PDE4D: variants seen among roughly 807,000 people sequenced by gnomAD.
PDE4D encodes the protein phosphodiesterase 4D.
PDE4D carries 24 observed loss-of-function variants against 87.4 expected under a neutral mutation model. That is an observed-to-expected ratio of 0.27 (90% CI 0.20 to 0.39). The LOEUF is 0.39. Ranked by LOEUF, PDE4D falls within the 10% of genes least tolerant of loss-of-function variation. The pLI is 1.00. For synonymous variants in PDE4D, 384 were observed against 383.2 expected, an observed-to-expected ratio of 1.00 and a Z score of -0.02; for missense variants, 714 against 1,041.0, an observed-to-expected ratio of 0.69 and a Z score of 4.32.
intron 1 of PDE4D, among the ~76,000 whole-genome samples, chr5:60,227,045 A>G (rs1050880242): frequency 6.6e-6 from 1 of 152,158 alleles, no homozygotes; most frequent in Admixed American, 6.6e-5. Context: ...AGGGAAAAAT[A>G]TACAAACAGA....
At chr5:60,163,403 T>C (rs557902939) in intron 2 of PDE4D, among the ~76,000 whole-genome samples, 1 of 152,262 alleles carries the variant, frequency 6.6e-6, no homozygotes, top group African/African-American at 2.4e-5. Flanking sequence ...GCTCACTTCC[T>C]CTGAGCAACT....
At position 59,200,078 on chromosome 5, in the gene PDE4D, CACATACATGTATGTAG is replaced by C. The variant is rs1311413407; in HGVS notation, c.648-6558_648-6543del. ...ACATGCATGTACACACACGTATGCACACATACATGTATGTAGACATACATGTATGCACACACATACA... is the reference window on the plus strand; with the variant it reads ...ACATGCATGTACACACACGTATGCACACATACATGTATGCACACACATACA... On this transcript the variant is annotated intron_variant, in intron 2 of 14. Transcript: ENST00000340635. 4.0e-5 allele frequency among the ~76,000 whole-genome samples: 6 copies of C among 150,246 alleles called. No homozygotes were observed. In the East Asian group the frequency reaches 7.9e-4, roughly 20 times the overall value.
At chr5:59,237,111 C>T (rs960039721) in intron 1 of PDE4D, among the ~76,000 whole-genome samples, 11 of 152,096 alleles carry the variant, frequency 7.2e-5, no homozygotes, top group African/African-American at 2.7e-4. Context: ...CTCATGAAAT[C>T]ATTCTCACTT....
intron 1 of PDE4D, among the ~76,000 whole-genome samples, chr5:59,627,330 T>C (rs756066334): frequency 3.3e-5 from 5 of 152,198 alleles, no homozygotes; most frequent in Non-Finnish European, 4.4e-5. Flanking sequence ...TTGTCACTGT[T>C]CAAAGATTAA....
At chr5:59,109,793 G>C (rs1256807829) in intron 5 of PDE4D, among the ~76,000 whole-genome samples, 2 of 152,210 alleles carry the variant, frequency 1.3e-5, no homozygotes, top group Non-Finnish European at 2.9e-5. Flanking sequence ...GATCCATCTA[G>C]AGTTATGAAA....
At chr5:60,189,669 A>T (rs1785054003) in intron 1 of PDE4D, among the ~76,000 whole-genome samples, 2 of 152,250 alleles carry the variant, frequency 1.3e-5, no homozygotes, top group South Asian at 4.1e-4. Context: ...TATATATGTA[A>T]GAAGAATTCT....
At chr5:59,832,986 A>G (rs2152699719) in intron 1 of PDE4D, among the ~76,000 whole-genome samples, 1 of 152,104 alleles carries the variant, frequency 6.6e-6, no homozygotes, top group African/African-American at 2.4e-5. Context: ...GATGGGGGAA[A>G]TGGAGAGGTC....
intron 1 of PDE4D, among the ~76,000 whole-genome samples, chr5:59,688,724 C>T (rs961896283): frequency 3.9e-5 from 6 of 152,124 alleles, no homozygotes; most frequent in Admixed American, 1.3e-4. Flanking sequence ...AAGATCAGAG[C>T]AGAACTGAAG....
intron 1 of PDE4D, among the ~76,000 whole-genome samples, chr5:59,776,541 T>G (rs1008195524): frequency 6.6e-6 from 1 of 152,170 alleles, no homozygotes; most frequent in Non-Finnish European, 1.5e-5. Flanking sequence ...TACTGATGCT[T>G]TTATGGCTCT....
At chr5:59,372,499 C>T (rs1288527529) in intron 1 of PDE4D, among the ~76,000 whole-genome samples, 2 of 152,146 alleles carry the variant, frequency 1.3e-5, no homozygotes, top group Non-Finnish European at 2.9e-5. Flanking sequence ...AGTCTAAATT[C>T]AATATTTTCA....
At chr5:59,597,665 T>G (rs1438313559) in intron 1 of PDE4D, among the ~76,000 whole-genome samples, 27 of 152,172 alleles carry the variant, frequency 1.8e-4, no homozygotes, top group Admixed American at 1.8e-3. Context: ...TTTCAAATAA[T>G]CATTTGAAAG....
chr5:60,095,121 A>G lies in PDE4D; in HGVS notation c.42+90436T>C, dbSNP rs150003118. Among the ~76,000 whole-genome samples the G allele has an allele frequency of 7.2e-3, 1,103 of 152,270 alleles. 11 individuals carry two copies. The highest frequency in any genetic ancestry group is 0.025 in the African/African-American group (1,051 of 41,556). On this transcript the variant is annotated intron_variant, in intron 2 of 16. Transcript: ENST00000502484. Reference sequence around the variant, plus strand: ...ACGTGCAGGTTTGTTACATAGGTATACACGTGCCATGGTGGTTTGCTGCAC... The same window carrying G: ...ACGTGCAGGTTTGTTACATAGGTATGCACGTGCCATGGTGGTTTGCTGCAC...
At chr5:59,609,869 C>A (rs1358847720) in intron 1 of PDE4D, among the ~76,000 whole-genome samples, 1 of 152,132 alleles carries the variant, frequency 6.6e-6, no homozygotes, top group Non-Finnish European at 1.5e-5. Flanking sequence ...TATGAACTCT[C>A]CTAATCATAT....
intron 2 of PDE4D, among the ~76,000 whole-genome samples, chr5:60,030,342 C>G (rs865781582): frequency 6.6e-6 from 1 of 151,982 alleles, no homozygotes; most frequent in Non-Finnish European, 1.5e-5. Context: ...CCCAGCTACT[C>G]GGGAGGCTGA....
At chr5:60,274,816 C>T (rs1282200813) in intron 1 of PDE4D, among the ~76,000 whole-genome samples, 3 of 152,218 alleles carry the variant, frequency 2.0e-5, no homozygotes, top group Non-Finnish European at 4.4e-5. Flanking sequence ...TGGCTGCATT[C>T]CCACTTGGAA....
At chr5:60,259,325 C>T (rs547374745) in intron 1 of PDE4D, among the ~76,000 whole-genome samples, 2 of 151,992 alleles carry the variant, frequency 1.3e-5, no homozygotes, top group Non-Finnish European at 2.9e-5. Context: ...ACAAGGTGAA[C>T]GATGAAGAAA....
chr5:59,491,020 A>G (rs890358444), intron 1 of PDE4D, among the ~76,000 whole-genome samples: 1 of 152,186 alleles, frequency 6.6e-6, no homozygotes, highest in African/African-American at 2.4e-5. Context: ...CTCTGAACCT[A>G]CCTTTCCTCA....
intron 3 of PDE4D, among the ~76,000 whole-genome samples, chr5:59,922,435 G>A (rs1754772271): frequency 6.6e-6 from 1 of 152,136 alleles, no homozygotes; most frequent in African/African-American, 2.4e-5. Context: ...TGCAGCTGCA[G>A]GTGAGACTCC....
intron 2 of PDE4D, among the ~76,000 whole-genome samples, chr5:59,204,189 T>C (rs1748203712): frequency 7.2e-6 from 1 of 138,094 alleles, no homozygotes; most frequent in South Asian, 2.5e-4. Context: ...GCCCCATCTT[T>C]GACCAAAAAA....
Sources: allele counts gnomAD v4.1 joint callset (sites outside exome capture counted in the v4.1 genomes callset), GRCh38; gene constraint gnomAD v4.1.1; transcripts MANE v1.5; gene names NCBI Gene and HGNC (gene_info 2026-07-23, HGNC 2026-07-21).